SLC9A3: variants seen among roughly 807,000 people sequenced by gnomAD.
SLC9A3 encodes solute carrier family 9 member A3, also known as sodium/hydrogen exchanger 3.
In SLC9A3, 37 loss-of-function variants were observed where a neutral mutation model predicts 86.8. The observed-to-expected ratio is 0.43, with a 90% CI of 0.33 to 0.56. The LOEUF is 0.56. Among genes scored for constraint, SLC9A3 ranks in the 20% least tolerant of loss-of-function variants. The probability of loss-of-function intolerance (pLI) is 0.06; values close to 1 mark genes in which losing one functional copy is unlikely to be tolerated. For missense variants in SLC9A3, 1,011 were observed against 1,171.9 expected, an observed-to-expected ratio of 0.86 and a Z score of 2.00; for synonymous variants, 581 against 528.3, an observed-to-expected ratio of 1.10 and a Z score of -1.37.
chr5:523,594 C>A (rs1314987530), intron 1 of SLC9A3, among the ~76,000 whole-genome samples: 1 of 148,170 alleles, frequency 6.7e-6, no homozygotes, highest in African/African-American at 2.5e-5. Context: ...TCTGACCGAC[C>A]GGGATTTTCT....
In SLC9A3 at chr5:501,910, C is replaced by T. The variant is rs1002215239; in HGVS notation, c.212-9839G>A. Among the ~76,000 whole-genome samples, 52 of 152,228 alleles carry T rather than the reference C, an allele frequency of 3.4e-4. 1 individual carries two copies. The highest frequency in any genetic ancestry group is 1.2e-3 in the African/African-American group (48 of 41,466). Reference sequence around the variant, plus strand: ...GGCGTGGGACAGGGGAGCCGGCTCCCGGGGGCCACGCAGGAAGCCCCTCTC... The same window carrying T: ...GGCGTGGGACAGGGGAGCCGGCTCCTGGGGGCCACGCAGGAAGCCCCTCTC... On this transcript the variant is annotated intron_variant, in intron 1 of 16. Coordinates refer to ENST00000264938, the MANE Select transcript of SLC9A3 (RefSeq NM_004174.4).
At chr5:495,317 C>G (rs1739973906) in intron 1 of SLC9A3, among the ~76,000 whole-genome samples, 1 of 152,166 alleles carries the variant, frequency 6.6e-6, no homozygotes, top group Admixed American at 6.5e-5. Flanking sequence ...CACAGGGACA[C>G]AGGGACCAGC....
In SLC9A3 at chr5:477,373, C is replaced by T. The variant is rs752464090; in HGVS notation, c.1719G>A (p.Thr573=). 17 of 1,612,812 alleles carry T rather than the reference C, an allele frequency of 1.1e-5. No homozygotes were observed. Among genetic ancestry groups the T allele is most frequent in the Admixed American group, 3.3e-5 (2 of 59,924 alleles). The change falls in exon 11 of 17, where the codon ACG becomes ACA. Residue 573 remains threonine, a synonymous_variant. Transcript: ENST00000264938. ...STDNVVNVDF[T]PRSSTVEASV... ...AGGCCTCCACGGTGGACGATCGTGG[C>T]GTGAAGTCCACGTTGACCACGTTGT...
Position 497,866 on chromosome 5 carries a change from G to A in SLC9A3, c.212-5795C>T, listed in dbSNP as rs1475301980. On this transcript the variant is annotated intron_variant, in intron 1 of 16. Transcript: ENST00000264938. This position sits in a 1 kb window ranked among gnomAD's most constrained non-coding sequence, Gnocchi z 5.4. ...CTGTCCCGGGTGGGGTCGCCCGGCC[G>A]CATCCCCAGCCTCTGCCCCTGTCCC... Among the ~76,000 whole-genome samples the A allele has an allele frequency of 1.6e-5, 2 of 127,128 alleles. No homozygotes were observed. Among genetic ancestry groups the A allele is most frequent in the East Asian group, 2.5e-4 (1 of 4,052 alleles). The allele number at this position is 127,128 out of a possible 152,430, so 83.4% of individuals were successfully genotyped here.
rs1560981486 is a variant in SLC9A3, at chr5:524,247, C to T, written c.76G>A (p.Gly26Arg). The T allele has an allele frequency of 2.1e-6, 3 of 1,458,374 alleles. No individual in the cohort carries two copies. The highest frequency in any genetic ancestry group is 3.0e-5 in the East Asian group (1 of 32,842). 90.3% of individuals were successfully genotyped at this position (1,458,374 alleles called of 1,614,324 possible). A position where few individuals can be genotyped will look rare whatever the true frequency, so the allele number is the denominator to read the frequency against. The change falls in exon 1 of 17, where the codon GGG becomes AGG. Residue 26 changes from glycine (G) to arginine (R), a missense_variant. By Grantham distance (125) the Gly-to-Arg change is moderately radical. This residue lies in a region of SLC9A3 where 565 missense variants were observed against 790.0 expected (regional missense o/e 0.72). Transcript: ENST00000264938. Reference sequence around the variant, plus strand: ...CCGCCGGGCTCCACCTCGACGCCCCCGGCCCGCGCCAGCCCGCCCAGCGCC... The same window carrying T: ...CCGCCGGGCTCCACCTCGACGCCCCTGGCCCGCGCCAGCCCGCCCAGCGCC... ...ALALGGLARA[G>R]GVEVEPGGAH...
At chr5:506,206 G>T (rs914202966) in intron 1 of SLC9A3, among the ~76,000 whole-genome samples, 1 of 152,152 alleles carries the variant, frequency 6.6e-6, no homozygotes, top group Non-Finnish European at 1.5e-5. Context: ...CACGAGCTTT[G>T]CCCGGACGCA....
At chr5:504,860 G>A (rs911202156) in intron 1 of SLC9A3, among the ~76,000 whole-genome samples, 4 of 151,976 alleles carry the variant, frequency 2.6e-5, no homozygotes, top group Non-Finnish European at 5.9e-5. Context: ...GGCATACAGC[G>A]GGGGCTCACA....
At chr5:476,466 T>TG in intron 12 of SLC9A3, 77 bp downstream of exon 12, 1 of 1,604,032 alleles carries the variant, frequency 6.2e-7, no homozygotes, top group Non-Finnish European at 8.5e-7. Context: ...GGATCCCCCG[T>TG]GGTCCCAGGA....
chr5:507,166 C>CTTTTTT (rs778066069), intron 1 of SLC9A3, among the ~76,000 whole-genome samples: 535 of 30,626 alleles, frequency 0.017, 226 homozygotes, highest in Non-Finnish European at 0.026. Context: ...GCTGCTGCTT[C>CTTTTTT]TTTTTTTTTT....
At chr5:499,356 G>T (rs1416984899) in intron 1 of SLC9A3, among the ~76,000 whole-genome samples, 1 of 152,248 alleles carries the variant, frequency 6.6e-6, no homozygotes, top group Non-Finnish European at 1.5e-5. Flanking sequence ...GCCAGGGACT[G>T]GCCTGGCATG....
chr5:473,297 T>C lies in SLC9A3; in HGVS notation c.*82A>G. 5 of 1,322,536 alleles carry C rather than the reference T, an allele frequency of 3.8e-6. No homozygotes were observed. Among genetic ancestry groups the C allele is most frequent in the Non-Finnish European group, 4.9e-6 (5 of 1,030,668 alleles). The allele number at this position is 1,322,536 out of a possible 1,614,324, so 81.9% of individuals were successfully genotyped here. ...GCTGTAGCCGCGCGGGGATCTGGGG[T>C]TTCTCTGGGACAGCGGCGGCGGCGG... On this transcript the variant is annotated 3_prime_UTR_variant, in exon 17 of 17. Transcript: ENST00000264938.
intron 2 of SLC9A3, among the ~76,000 whole-genome samples, chr5:490,044 A>G (rs74549201): frequency 0.093 from 14,222 of 152,272 alleles, 2,129 homozygotes; most frequent in African/African-American, 0.32. Flanking sequence ...GACGCTCCAC[A>G]GGGCTTGGCC....
chr5:495,309 CAG>C (rs1406970931), intron 1 of SLC9A3, among the ~76,000 whole-genome samples: 2 of 152,110 alleles, frequency 1.3e-5, no homozygotes, highest in Admixed American at 6.5e-5. Flanking sequence ...GTCAGGGACA[CAG>C]GGACACAGGG....
intron 9 of SLC9A3, chr5:480,221 G>C (rs1739076179): frequency 2.3e-6 from 1 of 435,244 alleles, no homozygotes; most frequent in Non-Finnish European, 4.2e-6. Context: ...GACACGGTGG[G>C]TGTCAGGCCT....
At chr5:490,701 C>A in intron 2 of SLC9A3, among the ~76,000 whole-genome samples, 1 of 152,250 alleles carries the variant, frequency 6.6e-6, no homozygotes, top group Non-Finnish European at 1.5e-5. Flanking sequence ...GTCTCTGCTA[C>A]AACCCCTGAG....
intron 1 of SLC9A3, among the ~76,000 whole-genome samples, chr5:494,032 C>T (rs991701275): frequency 2.0e-5 from 3 of 152,204 alleles, no homozygotes; most frequent in East Asian, 1.9e-4. Flanking sequence ...CTGGAGTCCT[C>T]GGGGCCCCGC....
Position 507,312 on chromosome 5 carries a change from C to G in SLC9A3, c.212-15241G>C, listed in dbSNP as rs368199945. ...CCTCCCGAGTAGCTGGGACTACAGG[C>G]GCCCGCCACCACGCCCAGCTAATTT... On this transcript the variant is annotated intron_variant, in intron 1 of 16. Coordinates refer to ENST00000264938, the MANE Select transcript of SLC9A3 (RefSeq NM_004174.4). Among the ~76,000 whole-genome samples the G allele has an allele frequency of 3.4e-4, 49 of 145,398 alleles. 1 individual carries two copies. The South Asian group carries it at 0.011, about 32-fold the overall frequency.
chr5:490,445 G>A (rs997473515), intron 2 of SLC9A3, among the ~76,000 whole-genome samples: 4 of 152,200 alleles, frequency 2.6e-5, no homozygotes, highest in Admixed American at 6.5e-5. Context: ...CAGTTGCACC[G>A]AGGACATTCT....
intron 1 of SLC9A3, among the ~76,000 whole-genome samples, chr5:523,007 C>A (rs916137088): frequency 6.6e-6 from 1 of 152,056 alleles, no homozygotes; most frequent in Non-Finnish European, 1.5e-5. Context: ...GCAGGCAGCC[C>A]GGCGGGGAGC....
Sources: allele counts gnomAD v4.1 joint callset (sites outside exome capture counted in the v4.1 genomes callset), GRCh38; gene constraint gnomAD v4.1.1; regional missense constraint gnomAD v4.1.1; non-coding constraint Gnocchi (gnomAD v3.1); transcripts MANE v1.5; gene names NCBI Gene and HGNC (gene_info 2026-07-23, HGNC 2026-07-21).